Variants in CEP350 observed in about 807,000 individuals in gnomAD.
CEP350 encodes centrosomal protein 350.
A neutral mutation model predicts 331.8 loss-of-function variants in CEP350; 126 were observed. The observed-to-expected ratio is 0.38, with a 90% CI of 0.33 to 0.44. The LOEUF is 0.44. Ranked by LOEUF, CEP350 falls within the 20% of genes least tolerant of loss-of-function variation. The pLI, the probability that CEP350 is intolerant of heterozygous loss-of-function variation, is 1.00. For synonymous variants in CEP350, 1,200 were observed against 1,259.5 expected (o/e 0.95, Z 1.00); for missense variants, 3,406 against 3,634.6 (o/e 0.94, Z 1.62).
chr1:179,954,838 C>G lies in CEP350; in HGVS notation c.-318C>G. 3 of 430,802 alleles carry G rather than the reference C, an allele frequency of 7.0e-6. No individual in the cohort carries two copies. Among genetic ancestry groups the G allele is most frequent in the Non-Finnish European group, 4.1e-6 (1 of 244,498 alleles). The allele number at this position is 430,802 out of a possible 1,614,324, so 26.7% of individuals were successfully genotyped here. A position where few individuals can be genotyped will look rare whatever the true frequency, so the allele number is the denominator to read the frequency against. ...TGTTGGGCTGTAATGGCGACTGGGCCGCCCCTGACGAAGTGACTCCCGGGC... is the reference window on the plus strand; with the variant it reads ...TGTTGGGCTGTAATGGCGACTGGGCGGCCCCTGACGAAGTGACTCCCGGGC... On this transcript the variant is annotated 5_prime_UTR_variant, in exon 1 of 38. Transcript: ENST00000367607.
chr1:179,956,017 C>A (rs1278726847), intron 1 of CEP350, among the ~76,000 whole-genome samples: 1 of 152,196 alleles, frequency 6.6e-6, no homozygotes, highest in African/African-American at 2.4e-5. Flanking sequence ...TAGTAACAAT[C>A]TGAAAAGTTC....
At position 180,048,617 on chromosome 1, in the gene CEP350, GAT is replaced by G; in HGVS notation, c.4706_4707del (p.Ile1569ArgfsTer5). On this transcript the variant is annotated frameshift_variant, in exon 22 of 38. Coordinates refer to ENST00000367607, the MANE Select transcript of CEP350 (RefSeq NM_014810.5). LOFTEE classifies it high-confidence loss of function. ...ATGAGAAGAAACTTAATGGTGAAAA[GAT>G]AGAGAGTTCCATTGATGAACAGGTT... ...ENEKKLNGEK[I>X]ESSIDEQVQT... 6.2e-7 allele frequency: 1 copy of G among 1,610,672 alleles called. No individual in the cohort carries two copies. The highest frequency in any genetic ancestry group is 8.5e-7 in the Non-Finnish European group (1 of 1,176,960).
chr1:180,085,095 CCCCTTCCCCTTTCCCCTTTCCCTTT>C (rs1409164315), intron 31 of CEP350, among the ~76,000 whole-genome samples: 393 of 150,774 alleles, frequency 2.6e-3, no homozygotes, highest in Admixed American at 4.2e-3. Context: ...TTTCCTCCTT[CCCCTTCCCCTTTCCCCTTTCCCTTT>C]CCCTTCCCCT....
chr1:180,000,398 T>A (rs923252211), intron 6 of CEP350: 2 of 152,428 alleles, frequency 1.3e-5, no homozygotes, highest in Admixed American at 6.5e-5. Flanking sequence ...AATCTGCAGT[T>A]ATCACAGATA....
At chr1:180,102,314 T>G (rs1660872103) in intron 37 of CEP350, among the ~76,000 whole-genome samples, 1 of 152,058 alleles carries the variant, frequency 6.6e-6, no homozygotes, top group African/African-American at 2.4e-5. Context: ...TTTTGTATTT[T>G]TAGTAGAGAT....
intron 28 of CEP350, 119 bp downstream of exon 28, chr1:180,075,340 A>G (rs141887471): frequency 0.042 from 44,048 of 1,055,396 alleles, 1,154 homozygotes; most frequent in Non-Finnish European, 0.05. Context: ...TAATCCTAAC[A>G]CTTTGGAAGG....
At chr1:179,957,075 ACTT>A (rs1571764976) in intron 1 of CEP350, among the ~76,000 whole-genome samples, 3 of 151,660 alleles carry the variant, frequency 2.0e-5, no homozygotes, top group South Asian at 2.1e-4. Flanking sequence ...TGGATCACTT[ACTT>A]CTTTATGTAT....
chr1:180,068,258 C>A (rs1458866286), intron 27 of CEP350, among the ~76,000 whole-genome samples: 2 of 152,026 alleles, frequency 1.3e-5, no homozygotes, highest in South Asian at 4.2e-4. Flanking sequence ...ATATTAAAAA[C>A]CATATGTTAT....
chr1:180,007,181 C>T (rs185501770), intron 8 of CEP350, among the ~76,000 whole-genome samples: 19 of 152,274 alleles, frequency 1.2e-4, no homozygotes, highest in African/African-American at 4.3e-4. Context: ...TGAGGAATTG[C>T]CACACTGTCT....
chr1:179,997,279 T>C (rs1653518234), intron 6 of CEP350, 104 bp downstream of exon 6: 3 of 1,349,208 alleles, frequency 2.2e-6, no homozygotes, highest in East Asian at 2.3e-5. Context: ...AGGATGTTAT[T>C]CTTGACTGCA....
intron 27 of CEP350, among the ~76,000 whole-genome samples, chr1:180,071,167 A>G (rs1179514002): frequency 3.4e-5 from 5 of 147,122 alleles, no homozygotes; most frequent in African/African-American, 7.7e-5. Flanking sequence ...AAAAAAAAAA[A>G]GTGAATAAAG....
intron 28 of CEP350, among the ~76,000 whole-genome samples, chr1:180,077,061 T>G (rs1337939138): frequency 6.6e-6 from 1 of 152,098 alleles, no homozygotes. Context: ...TTAAAAGCTA[T>G]AAGGAGTGAG....
At chr1:180,090,623 G>T in intron 32 of CEP350, 91 bp from the exon 33 acceptor site, 1 of 1,057,806 alleles carries the variant, frequency 9.5e-7, no homozygotes, top group Non-Finnish European at 1.3e-6. Context: ...GTAGAGAAGA[G>T]GAAAGAAGCA....
chr1:180,093,585 T>A lies in CEP350; in HGVS notation c.7480T>A (p.Leu2494Ile). The change falls in exon 34 of 38, where the codon TTA (leucine) becomes ATA (isoleucine). Residue 2494 changes from leucine to isoleucine, a missense_variant. Leu to Ile is a conservative substitution (Grantham distance 5). Coordinates refer to ENST00000367607, the MANE Select transcript of CEP350 (RefSeq NM_014810.5). ...SLASVPTADE[L>I]FDFHIGDRVL... ...GGCTTCAGTTCCTACTGCAGACGAG[T>A]TATTTGATTTCCACATTGGTGATAG... is the stretch of plus-strand genomic sequence containing the variant. 1 of 1,613,866 alleles carries A rather than the reference T, an allele frequency of 6.2e-7. No homozygotes were observed. Among genetic ancestry groups the A allele is most frequent in the Non-Finnish European group, 8.5e-7 (1 of 1,179,842 alleles).
Position 180,088,620 on chromosome 1 carries a change from A to G in CEP350, c.6425+903A>G, listed in dbSNP as rs1032311566. On this transcript the variant is annotated intron_variant, in intron 32 of 37. Coordinates refer to ENST00000367607, the MANE Select transcript of CEP350 (RefSeq NM_014810.5). The stretch of plus-strand genomic sequence containing the variant: ...AAAAGTATTTTGGGACATTTTTGTT[A>G]GAGAGGTATGGCAGGCTCATTACAA... Among the ~76,000 whole-genome samples, 3 of 152,200 alleles carry G rather than the reference A, an allele frequency of 2.0e-5. No individual in the cohort carries two copies. In the East Asian group the frequency reaches 5.8e-4, roughly 29 times the overall value.
chr1:180,095,907 A>C lies in CEP350; in HGVS notation c.8896A>C (p.Thr2966Pro), dbSNP rs749840545. Residue 2966 changes from threonine to proline, a missense_variant, in exon 35 of 38, where the codon ACT (threonine) becomes CCT (proline). Physicochemically the swap from Thr to Pro is conservative, Grantham distance 38. Coordinates refer to ENST00000367607, the MANE Select transcript of CEP350 (RefSeq NM_014810.5). Reference protein sequence around the residue: ...CASKGLDIESTSKRVYKQAVF... With the variant: ...CASKGLDIESPSKRVYKQAVF... ...CAGTAAAGGTCTAGATATAGAAAGC[A>C]CTAGTAAAAGGGTCTACAAACAGGT... 6.2e-7 allele frequency: 1 copy of C among 1,604,978 alleles called. No homozygotes were observed. Among genetic ancestry groups the C allele is most frequent in the Non-Finnish European group, 8.5e-7 (1 of 1,176,756 alleles).
intron 3 of CEP350, among the ~76,000 whole-genome samples, chr1:179,989,345 T>C (rs557804702): frequency 3.3e-5 from 5 of 151,862 alleles, no homozygotes; most frequent in Non-Finnish European, 5.9e-5. Flanking sequence ...TAGCTGGGCA[T>C]GGTGGTGTAC....
At chr1:180,068,709 ATTAT>A (rs1474223223) in intron 27 of CEP350, among the ~76,000 whole-genome samples, 1 of 152,070 alleles carries the variant, frequency 6.6e-6, no homozygotes, top group Non-Finnish European at 1.5e-5. Flanking sequence ...CTTCTTCCAT[ATTAT>A]TTATTAATTA....
chr1:180,096,447 A>G (rs1000969694), intron 36 of CEP350, among the ~76,000 whole-genome samples: 1 of 152,098 alleles, frequency 6.6e-6, no homozygotes, highest in Non-Finnish European at 1.5e-5. Context: ...CTCTATATAC[A>G]TAATTATAAT....
Sources: allele counts gnomAD v4.1 joint callset (sites outside exome capture counted in the v4.1 genomes callset), GRCh38; gene constraint gnomAD v4.1.1; transcripts MANE v1.5; gene names NCBI Gene and HGNC (gene_info 2026-07-23, HGNC 2026-07-21).